KCNQ1OT1: variants seen among roughly 807,000 people sequenced by gnomAD.
The protein encoded by KCNQ1OT1 is KCNQ1 opposite strand/antisense transcript 1, also known as KCNQ1 antisense RNA 2 (non-protein coding).
rs925628738 is a variant in KCNQ1OT1 at position 2,642,792 on chromosome 11, G to T, written n.57203C>A. ...ATCTTTTCTACCTTTTTTAATGGAG[G>T]CATTTATTACAATAAACTTTCCTCT... On this transcript the variant is annotated non_coding_transcript_exon_variant, in exon 1 of 1. Coordinates refer to ENST00000597346, the Ensembl canonical transcript of KCNQ1OT1. The surrounding 1 kb of genome is among the most constrained non-coding windows in gnomAD (Gnocchi z 4.3). The T allele has an allele frequency of 2.5e-6, 1 of 397,586 alleles. No individual in the cohort carries two copies. 24.6% of individuals were successfully genotyped at this position (397,586 alleles called of 1,614,324 possible). A position where few individuals can be genotyped will look rare whatever the true frequency, so the allele number is the denominator to read the frequency against.
Position 2,682,600 on chromosome 11 carries a change from G to A in KCNQ1OT1, n.17395C>T, listed in dbSNP as rs191079656. On this transcript the variant is annotated non_coding_transcript_exon_variant, in exon 1 of 1. Coordinates refer to ENST00000597346, the Ensembl canonical transcript of KCNQ1OT1. This position sits in a 1 kb window ranked among gnomAD's most constrained non-coding sequence, Gnocchi z 5.8. ...AGGCAACCCAAGGCTGGTCTGGAGA[G>A]TGTAAGGCTTGAGAGCTCTTCTTCA... 15 of 398,600 alleles carry A rather than the reference G, an allele frequency of 3.8e-5. No homozygotes were observed. Among genetic ancestry groups the A allele is most frequent in the African/African-American group, 2.7e-4 (13 of 48,736 alleles). 24.7% of individuals were successfully genotyped at this position (398,600 alleles called of 1,614,324 possible). A position where few individuals can be genotyped will look rare whatever the true frequency, so the allele number is the denominator to read the frequency against.
At position 2,661,700 on chromosome 11, in the gene KCNQ1OT1, G is replaced by A. The variant is rs2133855512; in HGVS notation, n.38295C>T. The A allele has an allele frequency of 5.0e-6, 3 of 605,924 alleles. No individual in the cohort carries two copies. Among genetic ancestry groups the A allele is most frequent in the Non-Finnish European group, 8.8e-6 (3 of 339,448 alleles). 37.5% of individuals were successfully genotyped at this position (605,924 alleles called of 1,614,324 possible). A position where few individuals can be genotyped will look rare whatever the true frequency, so the allele number is the denominator to read the frequency against. ...GGTGGGGAGAGTCTTGGACACCTGA[G>A]CACAGCCCCAGGCACAGTTACCACT... On this transcript the variant is annotated non_coding_transcript_exon_variant, in exon 1 of 1. Transcript: ENST00000597346. The surrounding 1 kb of genome is among the most constrained non-coding windows in gnomAD (Gnocchi z 5.9).
At position 2,623,370 on chromosome 11, in the gene KCNQ1OT1, A is replaced by G. The variant is rs140858386; in HGVS notation, n.76625T>C. ...TAGTATCATACAGATACGTATATTT[A>G]CATATATTTGTACATTTTCACTGCC... is the stretch of plus-strand genomic sequence containing the variant. On this transcript the variant is annotated non_coding_transcript_exon_variant, in exon 1 of 1. Transcript: ENST00000597346. The surrounding 1 kb of genome is among the most constrained non-coding windows in gnomAD (Gnocchi z 5.2). The G allele has an allele frequency of 2.5e-6, 1 of 398,618 alleles. No homozygotes were observed. The highest frequency in any genetic ancestry group is 2.1e-5 in the African/African-American group (1 of 48,744). The allele number at this position is 398,618 out of a possible 1,614,324, so 24.7% of individuals were successfully genotyped here.
At chr11:2,655,891 A>C (rs1590010445) in exon 1 of KCNQ1OT1, 2 of 398,726 alleles carry the variant, frequency 5.0e-6, no homozygotes, top group East Asian at 7.1e-5. Context: ...GCCCCTTGTT[A>C]TAGGGGCCCC....
rs921423145 is a variant in KCNQ1OT1, at chr11:2,674,860, A to G, written n.25135T>C. On this transcript the variant is annotated non_coding_transcript_exon_variant, in exon 1 of 1. Coordinates refer to ENST00000597346, the Ensembl canonical transcript of KCNQ1OT1. The surrounding 1 kb of genome is among the most constrained non-coding windows in gnomAD (Gnocchi z 5.9). ...AAAAAAAAAAAAAAAAAAAAAAAAA[A>G]GCTCACTGGGCACCTTGGCTGCAGG... 7.6e-6 allele frequency: 3 copies of G among 394,490 alleles called. No homozygotes were observed. Among genetic ancestry groups the G allele is most frequent in the African/African-American group, 6.3e-5 (3 of 47,614 alleles). The allele number at this position is 394,490 out of a possible 1,614,324, so 24.4% of individuals were successfully genotyped here. A position where few individuals can be genotyped will look rare whatever the true frequency, so the allele number is the denominator to read the frequency against.
exon 1 of KCNQ1OT1, chr11:2,640,091 C>T (rs960289750): frequency 2.0e-5 from 5 of 251,824 alleles, no homozygotes; most frequent in African/African-American, 1.1e-4. Flanking sequence ...TCCAGTTTTC[C>T]AGGTGCCGTC....
exon 1 of KCNQ1OT1, chr11:2,635,095 GAGT>G (rs1849437071): frequency 6.6e-6 from 1 of 152,166 alleles, no homozygotes; most frequent in Non-Finnish European, 1.5e-5. Context: ...TTTATCAGAT[GAGT>G]AGATTGCAAA....
chr11:2,682,095 A>C lies in KCNQ1OT1; in HGVS notation n.17900T>G, dbSNP rs1009170957. 3.8e-5 allele frequency: 15 copies of C among 398,478 alleles called. No individual in the cohort carries two copies. Among genetic ancestry groups the C allele is most frequent in the African/African-American group, 2.3e-4 (11 of 48,616 alleles). 24.7% of individuals were successfully genotyped at this position (398,478 alleles called of 1,614,324 possible). On this transcript the variant is annotated non_coding_transcript_exon_variant, in exon 1 of 1. Coordinates refer to ENST00000597346, the Ensembl canonical transcript of KCNQ1OT1. This position sits in a 1 kb window ranked among gnomAD's most constrained non-coding sequence, Gnocchi z 5.8. ...ATTGAGTCTAGGGCCCAGGGTCACA[A>C]AGCTAGGGAGCCGTGGATCTGCAGG...
Position 2,669,182 on chromosome 11 carries a change from C to T in KCNQ1OT1, n.30813G>A. ...GTTGTTCTTTGTGGCCAGGACCTTGCTTCCTTCTCACTGTAGTTTGCTAAC... is the reference window on the plus strand; with the variant it reads ...GTTGTTCTTTGTGGCCAGGACCTTGTTTCCTTCTCACTGTAGTTTGCTAAC... On this transcript the variant is annotated non_coding_transcript_exon_variant, in exon 1 of 1. Transcript: ENST00000597346. This position sits in a 1 kb window ranked among gnomAD's most constrained non-coding sequence, Gnocchi z 5.6. 2.5e-6 allele frequency: 1 copy of T among 398,690 alleles called. No individual in the cohort carries two copies. The highest frequency in any genetic ancestry group is 4.4e-6 in the Non-Finnish European group (1 of 226,094). 24.7% of individuals were successfully genotyped at this position (398,690 alleles called of 1,614,324 possible).
exon 1 of KCNQ1OT1, chr11:2,660,047 A>C (rs1379501620): frequency 4.8e-5 from 19 of 398,430 alleles, no homozygotes; most frequent in Non-Finnish European, 7.1e-5. Flanking sequence ...AATTTTGATA[A>C]AGTCCAATTT....
Position 2,651,829 on chromosome 11 carries a change from C to G in KCNQ1OT1, n.48166G>C, listed in dbSNP as rs898927514. 2.5e-6 allele frequency: 1 copy of G among 398,512 alleles called. No homozygotes were observed. The highest frequency in any genetic ancestry group is 1.3e-4 in the South Asian group (1 of 7,864). 24.7% of individuals were successfully genotyped at this position (398,512 alleles called of 1,614,324 possible). ...TAGCATTGGAATGGAGCCCACAGGACCATACCAGACAGATGCCACCACATC... is the reference window on the plus strand; with the variant it reads ...TAGCATTGGAATGGAGCCCACAGGAGCATACCAGACAGATGCCACCACATC... On this transcript the variant is annotated non_coding_transcript_exon_variant, in exon 1 of 1. Coordinates refer to ENST00000597346, the Ensembl canonical transcript of KCNQ1OT1. The surrounding 1 kb of genome is among the most constrained non-coding windows in gnomAD (Gnocchi z 6.1).
chr11:2,674,807 G>C lies in KCNQ1OT1; in HGVS notation n.25188C>G, dbSNP rs1009841541. On this transcript the variant is annotated non_coding_transcript_exon_variant, in exon 1 of 1. Transcript: ENST00000597346. This position sits in a 1 kb window ranked among gnomAD's most constrained non-coding sequence, Gnocchi z 5.9. ...TCGCCAACTGCTGGCCTTTGGAAAG[G>C]CTTGTCACCCTAATAGCTGTTTTTT... 1 of 386,218 alleles carries C rather than the reference G, an allele frequency of 2.6e-6. No homozygotes were observed. The highest frequency in any genetic ancestry group is 2.3e-5 in the African/African-American group (1 of 43,632). The allele number at this position is 386,218 out of a possible 1,614,324, so 23.9% of individuals were successfully genotyped here. A position where few individuals can be genotyped will look rare whatever the true frequency, so the allele number is the denominator to read the frequency against.
chr11:2,651,734 C>G lies in KCNQ1OT1; in HGVS notation n.48261G>C. 1 of 398,628 alleles carries G rather than the reference C, an allele frequency of 2.5e-6. No homozygotes were observed. The highest frequency in any genetic ancestry group is 4.4e-6 in the Non-Finnish European group (1 of 226,086). 24.7% of individuals were successfully genotyped at this position (398,628 alleles called of 1,614,324 possible). ...AGTAAGCATCATCCTCATTTCTATA[C>G]GTTTTCTCTGATTACTGGAAATTCC... On this transcript the variant is annotated non_coding_transcript_exon_variant, in exon 1 of 1. Coordinates refer to ENST00000597346, the Ensembl canonical transcript of KCNQ1OT1. The surrounding 1 kb of genome is among the most constrained non-coding windows in gnomAD (Gnocchi z 6.1).
At chr11:2,615,769 G>A (rs1476083111) in exon 1 of KCNQ1OT1, 1 of 397,820 alleles carries the variant, frequency 2.5e-6, no homozygotes, top group Non-Finnish European at 4.4e-6. Context: ...TTAATATGCT[G>A]CTGAATTTGG....
exon 1 of KCNQ1OT1, chr11:2,665,324 T>A: frequency 2.5e-6 from 1 of 398,022 alleles, no homozygotes. Context: ...AGGTGGGAAG[T>A]AGAGACTGTA....
exon 1 of KCNQ1OT1, chr11:2,697,415 C>T (rs947718843): frequency 7.0e-5 from 28 of 398,598 alleles, no homozygotes; most frequent in African/African-American, 5.3e-4. Flanking sequence ...GCCAGGATGA[C>T]ATCCTTGGCC....
In KCNQ1OT1 at chr11:2,651,128, C is replaced by T. The variant is rs1849750371; in HGVS notation, n.48867G>A. 1 of 398,718 alleles carries T rather than the reference C, an allele frequency of 2.5e-6. No individual in the cohort carries two copies. Among genetic ancestry groups the T allele is most frequent in the East Asian group, 3.6e-5 (1 of 28,078 alleles). 24.7% of individuals were successfully genotyped at this position (398,718 alleles called of 1,614,324 possible). ...TTCCTGTACTCCATTCTTCACATAACAGCTCAAGGGAGTTCTTTAAATGTA... is the reference window on the plus strand; with the variant it reads ...TTCCTGTACTCCATTCTTCACATAATAGCTCAAGGGAGTTCTTTAAATGTA... On this transcript the variant is annotated non_coding_transcript_exon_variant, in exon 1 of 1. Transcript: ENST00000597346. The surrounding 1 kb of genome is among the most constrained non-coding windows in gnomAD (Gnocchi z 6.1).
exon 1 of KCNQ1OT1, chr11:2,622,104 T>C: frequency 2.5e-6 from 1 of 398,380 alleles, no homozygotes. Flanking sequence ...TTTTTAAGTT[T>C]CTGTTTTCAT....
In KCNQ1OT1 at chr11:2,683,681, A is replaced by C. The variant is rs1261198234; in HGVS notation, n.16314T>G. ...ACTTTCCCATCTCAATACAACTGTG[A>C]AAAGCCTAGCCTGGGACTCAGGCCT... On this transcript the variant is annotated non_coding_transcript_exon_variant, in exon 1 of 1. Transcript: ENST00000597346. The surrounding 1 kb of genome is among the most constrained non-coding windows in gnomAD (Gnocchi z 4.7). 1 of 398,642 alleles carries C rather than the reference A, an allele frequency of 2.5e-6. No individual in the cohort carries two copies. Among genetic ancestry groups the C allele is most frequent in the East Asian group, 3.6e-5 (1 of 28,080 alleles). 24.7% of individuals were successfully genotyped at this position (398,642 alleles called of 1,614,324 possible).
Sources: gnomAD v4.1 joint callset for allele counts on GRCh38, gnomAD v4.1.1 for gene constraint, Gnocchi (gnomAD v3.1) non-coding constraint, MANE v1.5 for transcripts, NCBI Gene and HGNC (gene_info 2026-07-23, HGNC 2026-07-21) for gene names.